The following KNTC1 variants were observed in gnomAD, a reference collection of about 807,000 sequenced individuals.
KNTC1 encodes the protein kinetochore associated 1.
In KNTC1, 253 loss-of-function variants were observed where a neutral mutation model predicts 314.4. The ratio of observed to expected loss-of-function variants is 0.80; its 90% CI spans 0.73 to 0.89. KNTC1 has a LOEUF of 0.89. KNTC1 is among the 40% of genes least tolerant of loss of function. KNTC1 has a pLI of 0.00. For missense variants in KNTC1, 2,475 were observed against 2,572.9 expected (o/e 0.96, Z 0.82); for synonymous variants, 901 against 901.4 (o/e 1.00, Z 0.01).
chr12:122,549,025 T>C (rs1962997480), intron 12 of KNTC1, among the ~76,000 whole-genome samples: 1 of 152,102 alleles, frequency 6.6e-6, no homozygotes, highest in African/African-American at 2.4e-5. Flanking sequence ...AATGCTTATT[T>C]TTTGCATTTA....
intron 34 of KNTC1, 78 bp from the exon 35 acceptor site, chr12:122,584,200 A>G (rs1485564881): frequency 2.2e-6 from 2 of 921,684 alleles, no homozygotes; most frequent in Non-Finnish European, 3.4e-6. Flanking sequence ...GGTGGTGGTG[A>G]TATATTAATC....
chr12:122,570,073 G>A (rs1029697655), intron 22 of KNTC1, among the ~76,000 whole-genome samples: 1 of 152,172 alleles, frequency 6.6e-6, no homozygotes, highest in Admixed American at 6.6e-5. Context: ...AACATCACAT[G>A]TTCTCACTTA....
intron 43 of KNTC1, among the ~76,000 whole-genome samples, chr12:122,595,526 T>A: frequency 6.6e-6 from 1 of 152,228 alleles, no homozygotes; most frequent in East Asian, 1.9e-4. Context: ...GTGCATTTCC[T>A]GCACTGGGCA....
intron 5 of KNTC1, 79 bp downstream of exon 5, chr12:122,539,833 G>A: frequency 1.1e-6 from 1 of 898,436 alleles, no homozygotes; most frequent in Non-Finnish European, 1.7e-6. Flanking sequence ...CCAGGCTGGA[G>A]TGCAGTGGCG....
chr12:122,613,872 G>GCAAAA, intron 55 of KNTC1, 111 bp downstream of exon 55: 4 of 1,142,084 alleles, frequency 3.5e-6, no homozygotes, highest in Non-Finnish European at 4.7e-6. Context: ...ACAGAGTTTT[G>GCAAAA]CTCTGTTGCC....
At chr12:122,541,287 G>GCTTT (rs1962296127) in intron 5 of KNTC1, among the ~76,000 whole-genome samples, 1 of 120,986 alleles carries the variant, frequency 8.3e-6, no homozygotes, top group South Asian at 2.8e-4. Context: ...CTGCCTGCCT[G>GCTTT]CCTTCCTTCC....
At chr12:122,537,854 C>T (rs1215590262) in intron 3 of KNTC1, among the ~76,000 whole-genome samples, 1 of 152,144 alleles carries the variant, frequency 6.6e-6, no homozygotes, top group East Asian at 1.9e-4. Flanking sequence ...TCTTGACCAG[C>T]TGCATGCAGT....
intron 55 of KNTC1, among the ~76,000 whole-genome samples, chr12:122,614,308 G>A (rs1477676188): frequency 6.6e-6 from 1 of 152,106 alleles, no homozygotes; most frequent in Non-Finnish European, 1.5e-5. Context: ...CTCTTCCACG[G>A]CTTATCTGTC....
chr12:122,601,041 G>T (rs535998862), intron 44 of KNTC1, among the ~76,000 whole-genome samples: 17 of 152,040 alleles, frequency 1.1e-4, no homozygotes, highest in African/African-American at 3.4e-4. Context: ...ATCCTCACAG[G>T]TAATTTTAGA....
At position 122,603,288 on chromosome 12, in the gene KNTC1, G is replaced by A. The variant is rs1872188398; in HGVS notation, c.5101+45G>A. On this transcript the variant is annotated intron_variant, in intron 48 of 63. Transcript: ENST00000333479. ...AATTGTAGTTAAAAAAAAAAAAAAA[G>A]TACTCTTTTTGCATCTTTAAGGAGA... The A allele has an allele frequency of 7.2e-6, 7 of 975,858 alleles. No individual in the cohort carries two copies. In the Middle Eastern group the frequency reaches 8.9e-4, roughly 125 times the overall value. 60.4% of individuals were successfully genotyped at this position (975,858 alleles called of 1,614,324 possible).
At chr12:122,545,757 G>A (rs150005849) in intron 8 of KNTC1, among the ~76,000 whole-genome samples, 2,295 of 151,970 alleles carry the variant, frequency 0.015, 20 homozygotes, top group Non-Finnish European at 0.026. Context: ...GTTGAGACCA[G>A]TCTCAGCAAC....
intron 22 of KNTC1, 101 bp downstream of exon 22, chr12:122,569,925 G>A (rs2137903653): frequency 9.9e-7 from 1 of 1,006,688 alleles, no homozygotes; most frequent in Middle Eastern, 2.4e-4. Context: ...ACACCAGTTA[G>A]TTAAGCTAAC....
chr12:122,609,544 C>A, intron 52 of KNTC1, 114 bp downstream of exon 52: 2 of 681,594 alleles, frequency 2.9e-6, no homozygotes, highest in South Asian at 3.8e-5. Flanking sequence ...AAACTCAGGT[C>A]AGAGTCTATG....
At chr12:122,567,467 T>C (rs1415511315) in intron 20 of KNTC1, among the ~76,000 whole-genome samples, 1 of 152,236 alleles carries the variant, frequency 6.6e-6, no homozygotes, top group Non-Finnish European at 1.5e-5. Flanking sequence ...TATAATTTTA[T>C]ATTCAAATAA....
chr12:122,584,543 G>T, intron 35 of KNTC1, 93 bp downstream of exon 35: 1 of 857,278 alleles, frequency 1.2e-6, no homozygotes, highest in Non-Finnish European at 1.8e-6. Flanking sequence ...GGACATCACG[G>T]TAATCAGACT....
chr12:122,589,385 A>G (rs751289795), intron 40 of KNTC1, among the ~76,000 whole-genome samples: 2 of 151,988 alleles, frequency 1.3e-5, no homozygotes, highest in Admixed American at 1.3e-4. Flanking sequence ...AGAAATATTT[A>G]ATGTTTCATC....
chr12:122,604,183 T>A (rs1360419874), intron 48 of KNTC1, among the ~76,000 whole-genome samples: 1 of 150,358 alleles, frequency 6.7e-6, no homozygotes, highest in Non-Finnish European at 1.5e-5. Flanking sequence ...TTTTTTTTTT[T>A]TTTTTTTTTA....
Position 122,575,559 on chromosome 12 carries a change from T to C in KNTC1, c.2399T>C (p.Val800Ala). 2 of 1,591,788 alleles carry C rather than the reference T, an allele frequency of 1.3e-6. No homozygotes were observed. Among genetic ancestry groups the C allele is most frequent in the Non-Finnish European group, 1.7e-6 (2 of 1,168,570 alleles). The change falls in exon 28 of 64, where the codon GTG (valine) becomes GCG (alanine). Residue 800 changes from valine (V) to alanine (A), a missense_variant. Coordinates refer to ENST00000333479, the MANE Select transcript of KNTC1 (RefSeq NM_014708.6). ...CTTTTGTAGCTCATATTTGATGCCG[T>C]GCTCAAGATCATGTATGCGGCAGTG... ...LSDTDLIFDA[V>A]LKIMYAAVVP...
chr12:122,547,620 C>T, intron 11 of KNTC1, 90 bp downstream of exon 11: 1 of 849,998 alleles, frequency 1.2e-6, no homozygotes. Context: ...TTATGTTTTA[C>T]ATTCTAAACA....
Sources: allele counts gnomAD v4.1 joint callset (sites outside exome capture counted in the v4.1 genomes callset), GRCh38; gene constraint gnomAD v4.1.1; transcripts MANE v1.5; gene names NCBI Gene and HGNC (gene_info 2026-07-23, HGNC 2026-07-21).